TEKT5: variants seen among roughly 807,000 people sequenced by gnomAD.
TEKT5 encodes tektin-5.
Under a neutral mutation model 48.7 loss-of-function variants are expected in TEKT5, and 52 were observed. The observed-to-expected ratio is 1.07, with a 90% CI of 0.86 to 1.35. The LOEUF (loss-of-function observed/expected upper bound fraction) is 1.35, where lower values mean the gene tolerates loss of function less well. Among genes scored for constraint, TEKT5 ranks in the 40% most tolerant of loss-of-function variants. TEKT5 has a pLI of 0.00. For missense variants in TEKT5, 831 were observed against 641.6 expected, an observed-to-expected ratio of 1.30 and a Z score of -3.19; for synonymous variants, 318 against 267.6, an observed-to-expected ratio of 1.19 and a Z score of -1.84.
At chr16:10,660,338 T>C (rs9932804) in intron 5 of TEKT5, among the ~76,000 whole-genome samples, 4,643 of 152,232 alleles carry the variant, frequency 0.03, 230 homozygotes, top group African/African-American at 0.1. Flanking sequence ...GCCCCCACCT[T>C]TGGCTGACCA....
intron 5 of TEKT5, chr16:10,671,800 T>C (rs1898552957): frequency 6.6e-6 from 1 of 152,180 alleles, no homozygotes; most frequent in African/African-American, 2.4e-5. Flanking sequence ...CAAAAGAGAA[T>C]GTGCAGGGGA....
chr16:10,684,608 A>G (rs1898824837), intron 3 of TEKT5, among the ~76,000 whole-genome samples: 1 of 151,940 alleles, frequency 6.6e-6, no homozygotes, highest in Non-Finnish European at 1.5e-5. Flanking sequence ...CTGCCTAATG[A>G]GCTGGAATGT....
chr16:10,694,180 C>T (rs1367416096), intron 1 of TEKT5, 130 bp downstream of exon 1: 9 of 784,152 alleles, frequency 1.1e-5, no homozygotes, highest in Non-Finnish European at 1.8e-5. Context: ...TATTACTGAT[C>T]GTATTCGATG....
At chr16:10,690,825 A>G (rs1189902928) in intron 1 of TEKT5, 19 of 970,216 alleles carry the variant, frequency 2.0e-5, no homozygotes, top group Non-Finnish European at 2.2e-5. Flanking sequence ...CAAAGGGCCC[A>G]GGAGCAGAAG....
rs1361614544 is a variant in TEKT5, at chr16:10,690,017, C to A, written c.573G>T (p.Leu191Phe). 6.2e-7 allele frequency: 1 copy of A among 1,613,940 alleles called. No individual in the cohort carries two copies. The highest frequency in any genetic ancestry group is 8.5e-7 in the Non-Finnish European group (1 of 1,180,028). ...TCTTCTCTCGATGGTACAGACACTCCAAGGCCACCTGTGGGAAGCAGCAGA... is the reference window on the plus strand; with the variant it reads ...TCTTCTCTCGATGGTACAGACACTCAAAGGCCACCTGTGGGAAGCAGCAGA... Reference protein sequence around the residue: ...NEVNCPLQVALECLYHREKRI... With the variant: ...NEVNCPLQVAFECLYHREKRI... Residue 191 changes from leucine to phenylalanine, a missense_variant, in exon 2 of 7, where the codon TTG (leucine) becomes TTT (phenylalanine). Physicochemically the swap from Leu to Phe is conservative, Grantham distance 22. Coordinates refer to ENST00000283025, the MANE Select transcript of TEKT5 (RefSeq NM_144674.2).
intron 3 of TEKT5, among the ~76,000 whole-genome samples, chr16:10,683,715 C>T: frequency 6.6e-6 from 1 of 152,124 alleles, no homozygotes; most frequent in East Asian, 1.9e-4. Context: ...CTCAGTCTCC[C>T]TAGTAGCTGG....
chr16:10,684,522 G>A (rs7185201), intron 3 of TEKT5, among the ~76,000 whole-genome samples: 65,845 of 151,584 alleles, frequency 0.43, 15,181 homozygotes, highest in East Asian at 0.79. Context: ...GGGTCATGTC[G>A]GAGCAGGAGG....
At chr16:10,668,756 C>T (rs1898501559) in intron 5 of TEKT5, among the ~76,000 whole-genome samples, 2 of 152,234 alleles carry the variant, frequency 1.3e-5, no homozygotes, top group South Asian at 2.1e-4. Flanking sequence ...CTTCTCTGTT[C>T]TGTTCAACCT....
chr16:10,630,023 C>T (rs1897815155), intron 6 of TEKT5, among the ~76,000 whole-genome samples: 1 of 151,934 alleles, frequency 6.6e-6, no homozygotes, highest in Admixed American at 6.6e-5. Context: ...GCAGCCTCAA[C>T]TTCCTTGGCT....
intron 4 of TEKT5, among the ~76,000 whole-genome samples, chr16:10,679,025 T>C (rs1037185821): frequency 6.6e-6 from 1 of 152,150 alleles, no homozygotes; most frequent in Non-Finnish European, 1.5e-5. Context: ...GCTCTGCCAT[T>C]TGCTGTGTGA....
intron 5 of TEKT5, among the ~76,000 whole-genome samples, chr16:10,671,938 T>C (rs916068503): frequency 3.3e-5 from 5 of 152,156 alleles, no homozygotes; most frequent in African/African-American, 1.2e-4. Flanking sequence ...ATGTGGTTTA[T>C]GGGAGCTATA....
intron 5 of TEKT5, among the ~76,000 whole-genome samples, chr16:10,655,124 A>G (rs1365711385): frequency 6.6e-6 from 1 of 152,134 alleles, no homozygotes; most frequent in Non-Finnish European, 1.5e-5. Context: ...TTTCCTAAAA[A>G]AACAATTGAG....
chr16:10,678,428 T>G (rs1446825329), intron 4 of TEKT5, among the ~76,000 whole-genome samples: 1 of 152,178 alleles, frequency 6.6e-6, no homozygotes, highest in Non-Finnish European at 1.5e-5. Flanking sequence ...ACACTTAGGT[T>G]GCATGGTGCA....
intron 5 of TEKT5, among the ~76,000 whole-genome samples, chr16:10,650,555 T>A (rs548100030): frequency 6.6e-6 from 1 of 151,928 alleles, no homozygotes; most frequent in Admixed American, 6.6e-5. Flanking sequence ...ACTCTGTCAC[T>A]CAAGGCCAGG....
At chr16:10,658,176 C>A (rs1255200803) in intron 5 of TEKT5, among the ~76,000 whole-genome samples, 2 of 152,108 alleles carry the variant, frequency 1.3e-5, no homozygotes, top group Non-Finnish European at 2.9e-5. Flanking sequence ...TGGTGGAAGT[C>A]AATATTTGTC....
chr16:10,651,681 C>T (rs547435014), intron 5 of TEKT5, among the ~76,000 whole-genome samples: 8 of 152,254 alleles, frequency 5.3e-5, no homozygotes, highest in East Asian at 1.9e-4. Context: ...GGTACACAGC[C>T]GGGTGTGGTG....
intron 5 of TEKT5, among the ~76,000 whole-genome samples, chr16:10,643,759 C>T (rs572861145): frequency 6.3e-4 from 96 of 152,196 alleles, no homozygotes; most frequent in African/African-American, 2.2e-3. Flanking sequence ...AATTTCACGC[C>T]GGGCGGGGTG....
In TEKT5 at chr16:10,676,119, A is replaced by G; in HGVS notation, c.926T>C (p.Met309Thr). 2 of 1,614,194 alleles carry G rather than the reference A, an allele frequency of 1.2e-6. No individual in the cohort carries two copies. The highest frequency in any genetic ancestry group is 1.7e-6 in the Non-Finnish European group (2 of 1,180,044). The change falls in exon 5 of 7, where the codon ATG (methionine) becomes ACG (threonine). Residue 309 changes from methionine (M) to threonine (T), a missense_variant. Physicochemically the swap from Met to Thr is moderately conservative, Grantham distance 81. Transcript: ENST00000283025. ...SNDNIKHSQN[M>T]RANSIQLREE... Reference sequence around the variant, plus strand: ...CCGCAGCTGGATGGAGTTGGCCCGCATGTTCTGAGAGTGTTTGATGTTGTC... The same window carrying G: ...CCGCAGCTGGATGGAGTTGGCCCGCGTGTTCTGAGAGTGTTTGATGTTGTC...
chr16:10,627,750 G>T lies in TEKT5; in HGVS notation c.1291C>A (p.Leu431Met). The T allele has an allele frequency of 6.2e-7, 1 of 1,614,252 alleles. No homozygotes were observed. Among genetic ancestry groups the T allele is most frequent in the Non-Finnish European group, 8.5e-7 (1 of 1,180,042 alleles). Residue 431 changes from leucine to methionine, a missense_variant, in exon 7 of 7, where the codon CTG (leucine) becomes ATG (methionine). Coordinates refer to ENST00000283025, the MANE Select transcript of TEKT5 (RefSeq NM_144674.2). ...GTGTCCTGTGTCTCCCGCAGCCGCAGCTTGAGGGTCTGCAGGGTGTCGTCG... is the reference window on the plus strand; with the variant it reads ...GTGTCCTGTGTCTCCCGCAGCCGCATCTTGAGGGTCTGCAGGGTGTCGTCG... ...TIDDTLQTLK[L>M]RLRETQDTLQ...
Sources: allele counts gnomAD v4.1 joint callset (sites outside exome capture counted in the v4.1 genomes callset), GRCh38; gene constraint gnomAD v4.1.1; transcripts MANE v1.5; gene names NCBI Gene and HGNC (gene_info 2026-07-23, HGNC 2026-07-21).